The following HNF1B variants were observed in gnomAD, a reference collection of about 807,000 sequenced individuals.
HNF1B encodes the protein hepatocyte nuclear factor 1-beta.
In HNF1B, 8 loss-of-function variants were observed where a neutral mutation model predicts 61.7. That is an observed-to-expected ratio of 0.13 (90% CI 0.08 to 0.23). The LOEUF is 0.23. Ranked by LOEUF, HNF1B falls within the 10% of genes least tolerant of loss-of-function variation. The probability of loss-of-function intolerance (pLI) is 1.00; values close to 1 mark genes in which losing one functional copy is unlikely to be tolerated. For synonymous variants in HNF1B, 314 were observed against 287.7 expected (o/e 1.09, Z -0.93); for missense variants, 562 against 714.5 (o/e 0.79, Z 2.43).
Position 37,744,975 on chromosome 17 carries a change from A to G in HNF1B, c.-91T>C. 3.5e-6 allele frequency: 4 copies of G among 1,128,946 alleles called. No individual in the cohort carries two copies. The highest frequency in any genetic ancestry group is 5.2e-6 in the Non-Finnish European group (4 of 772,120). The allele number at this position is 1,128,946 out of a possible 1,614,324, so 69.9% of individuals were successfully genotyped here. A position where few individuals can be genotyped will look rare whatever the true frequency, so the allele number is the denominator to read the frequency against. On this transcript the variant is annotated 5_prime_UTR_variant, in exon 1 of 9. Transcript: ENST00000617811. ...AGTTTCACAAGCAAACCCCAAATCC[A>G]GGAACCCCTCCACCCTTCAGCCTCC... is the stretch of plus-strand genomic sequence containing the variant.
At chr17:37,717,989 C>T (rs2033180283) in intron 4 of HNF1B, among the ~76,000 whole-genome samples, 1 of 152,180 alleles carries the variant, frequency 6.6e-6, no homozygotes, top group Non-Finnish European at 1.5e-5. Flanking sequence ...TTCTACCTAA[C>T]ATGGCTTAGT....
intron 5 of HNF1B, 57 bp downstream of exon 5, chr17:37,710,446 T>C: frequency 1.3e-6 from 2 of 1,597,724 alleles, no homozygotes. Context: ...AGAAGTTGTG[T>C]TTGTTTTGCC....
chr17:37,742,882 G>A lies in HNF1B; in HGVS notation c.344+1659C>T, dbSNP rs142384755. On this transcript the variant is annotated intron_variant, in intron 1 of 8. Transcript: ENST00000617811. ...GCCTGGCTGGGTGCGCGCTGGGAGC[G>A]GCGAGCAGCCCCGCGCCCGCGTTTT... Among the ~76,000 whole-genome samples the A allele has an allele frequency of 5.8e-3, 882 of 151,426 alleles. 9 individuals carry two copies. Among genetic ancestry groups the A allele is most frequent in the African/African-American group, 0.02 (840 of 41,378 alleles).
intron 4 of HNF1B, among the ~76,000 whole-genome samples, chr17:37,718,230 G>A (rs2033188562): frequency 6.6e-6 from 1 of 152,166 alleles, no homozygotes; most frequent in Non-Finnish European, 1.5e-5. Context: ...TGAAAAAATT[G>A]CACATGTGGG....
intron 4 of HNF1B, among the ~76,000 whole-genome samples, chr17:37,716,924 T>C (rs1380771826): frequency 1.3e-5 from 2 of 151,848 alleles, no homozygotes; most frequent in Non-Finnish European, 2.9e-5. Flanking sequence ...CAGTTAACTT[T>C]TGAGCCTTGG....
chr17:37,706,676 TA>T (rs35797632), intron 5 of HNF1B, among the ~76,000 whole-genome samples: 362 of 131,116 alleles, frequency 2.8e-3, no homozygotes, highest in Middle Eastern at 7.9e-3. Context: ...TACCAGTCAT[TA>T]AAAAAAAAAA....
At chr17:37,714,575 T>C (rs2033042668) in intron 4 of HNF1B, among the ~76,000 whole-genome samples, 1 of 152,336 alleles carries the variant, frequency 6.6e-6, no homozygotes, top group African/African-American at 2.4e-5. Flanking sequence ...ACAGCAATTG[T>C]GTCCAGCAGC....
chr17:37,716,848 C>CTCTCTA (rs2033135528), intron 4 of HNF1B, among the ~76,000 whole-genome samples: 5 of 48,544 alleles, frequency 1.0e-4, no homozygotes, highest in Non-Finnish European at 2.1e-4. Context: ...AACAATCTCT[C>CTCTCTA]TCTCTCTCTC....
At position 37,733,669 on chromosome 17, in the gene HNF1B, G is replaced by A. The variant is rs760239398; in HGVS notation, c.697C>T (p.Arg233Cys). 3 of 1,614,024 alleles carry A rather than the reference G, an allele frequency of 1.9e-6. No homozygotes were observed. Among genetic ancestry groups the A allele is most frequent in the Middle Eastern group, 1.6e-4 (1 of 6,084 alleles). The change falls in exon 3 of 9, where the codon CGC becomes TGC. Residue 233 changes from arginine (R) to cysteine (C), a missense_variant. Transcript: ENST00000617811. ...CSEPTNKKMR[R>C]NRFKWGPASQ... is the part of the protein sequence containing the mutation. ...GCGGGCCCCCATTTGAACCGGTTGC[G>A]GCGCATCTTCTTGTTGGTGGGCTCA...
intron 6 of HNF1B, 138 bp from the exon 7 acceptor site, chr17:37,701,315 T>C: frequency 4.9e-6 from 4 of 815,958 alleles, no homozygotes; most frequent in Admixed American, 2.1e-5. Context: ...GGGAGGCAAG[T>C]GTAAAGAAAC....
intron 1 of HNF1B, among the ~76,000 whole-genome samples, chr17:37,739,883 C>G (rs933887507): frequency 6.6e-6 from 1 of 151,980 alleles, no homozygotes; most frequent in African/African-American, 2.4e-5. Flanking sequence ...TTCCCATCTT[C>G]AGGAATAAAA....
chr17:37,724,304 T>C (rs1369877860), intron 4 of HNF1B, among the ~76,000 whole-genome samples: 4 of 117,286 alleles, frequency 3.4e-5, no homozygotes, highest in Non-Finnish European at 8.7e-5. Context: ...GAACTGGTTC[T>C]CAAATTTAGC....
intron 5 of HNF1B, among the ~76,000 whole-genome samples, chr17:37,710,243 G>C (rs2032886020): frequency 6.6e-6 from 1 of 152,198 alleles, no homozygotes. Flanking sequence ...CACCGGGCTT[G>C]CTCCTTTATG....
chr17:37,691,017 G>A (rs1458268347), intron 8 of HNF1B, among the ~76,000 whole-genome samples: 2 of 152,170 alleles, frequency 1.3e-5, no homozygotes, highest in Non-Finnish European at 2.9e-5. Context: ...ATATTGGGAA[G>A]ATGAGTTGCC....
chr17:37,690,975 A>C (rs2032181941), intron 8 of HNF1B, among the ~76,000 whole-genome samples: 1 of 152,184 alleles, frequency 6.6e-6, no homozygotes, highest in Admixed American at 6.5e-5. Context: ...GAAGAGGCCA[A>C]AGAATGAGGC....
At chr17:37,740,025 C>T (rs550917628) in intron 1 of HNF1B, among the ~76,000 whole-genome samples, 5 of 152,072 alleles carry the variant, frequency 3.3e-5, no homozygotes, top group South Asian at 2.1e-4. Context: ...TGGAGTGCAA[C>T]GGCATCTTGG....
chr17:37,699,118 G>A lies in HNF1B; in HGVS notation c.1611C>T (p.Thr537=). ...RFPSAMVVTD[T]SSISTLTNMS... ...TGTTGGTGAGTGTACTGATGCTGCT[G>A]GTATCTGTGACCACCATTGCAGATG... The change falls in exon 8 of 9, where the codon ACC becomes ACT. Residue 537 remains threonine, a synonymous_variant. Coordinates refer to ENST00000617811, the MANE Select transcript of HNF1B (RefSeq NM_000458.4). The A allele has an allele frequency of 6.2e-7, 1 of 1,614,056 alleles. No individual in the cohort carries two copies. The highest frequency in any genetic ancestry group is 1.1e-5 in the South Asian group (1 of 91,076).
At chr17:37,742,299 G>C (rs1047599503) in intron 1 of HNF1B, among the ~76,000 whole-genome samples, 4 of 152,244 alleles carry the variant, frequency 2.6e-5, no homozygotes, top group Non-Finnish European at 5.9e-5. Context: ...CGCGAGAAAG[G>C]CCAGCTCCGG....
At position 37,721,631 on chromosome 17, in the gene HNF1B, A is replaced by G. The variant is rs149823387; in HGVS notation, c.1045+9964T>C. On this transcript the variant is annotated intron_variant, in intron 4 of 8. Coordinates refer to ENST00000617811, the MANE Select transcript of HNF1B (RefSeq NM_000458.4). ...TCTTTTCCCATTTCAGCAAGGGGCC[A>G]TGAGGATTACCTTCAACCCCTTCAG... Among the ~76,000 whole-genome samples, 277 of 151,886 alleles carry G rather than the reference A, an allele frequency of 1.8e-3. 1 individual carries two copies. The highest frequency in any genetic ancestry group is 6.4e-3 in the African/African-American group (265 of 41,388).
Sources: allele counts gnomAD v4.1 joint callset (sites outside exome capture counted in the v4.1 genomes callset), GRCh38; gene constraint gnomAD v4.1.1; transcripts MANE v1.5; gene names NCBI Gene and HGNC (gene_info 2026-07-23, HGNC 2026-07-21).